The following KLHL7 variants were observed in gnomAD, a reference collection of about 807,000 sequenced individuals.
KLHL7 encodes kelch-like protein 7.
KLHL7 carries 44 observed loss-of-function variants against 67.4 expected under a neutral mutation model. That is an observed-to-expected ratio of 0.65 (90% CI 0.51 to 0.84). The LOEUF is 0.84. Ranked by LOEUF, KLHL7 falls within the 40% of genes least tolerant of loss-of-function variation. KLHL7 has a pLI of 0.00. For synonymous variants in KLHL7, 252 were observed against 243.3 expected (o/e 1.04, Z -0.33); for missense variants, 362 against 718.1 (o/e 0.50, Z 5.67).
At chr7:23,159,562 C>T (rs1443957330) in intron 7 of KLHL7, among the ~76,000 whole-genome samples, 1 of 152,024 alleles carries the variant, frequency 6.6e-6, no homozygotes, top group African/African-American at 2.4e-5. Flanking sequence ...AACAAGGTCT[C>T]ACTCTGTTGC....
intron 1 of KLHL7, among the ~76,000 whole-genome samples, chr7:23,109,587 C>A (rs1211543559): frequency 6.6e-6 from 1 of 152,226 alleles, no homozygotes; most frequent in Non-Finnish European, 1.5e-5. Flanking sequence ...GCTGATTTCA[C>A]AATTAGATAC....
chr7:23,141,058 C>A, intron 5 of KLHL7, 114 bp downstream of exon 5: 3 of 932,714 alleles, frequency 3.2e-6, no homozygotes, highest in South Asian at 2.7e-5. Context: ...AGAATATGTT[C>A]TTTACACTAA....
In KLHL7 at chr7:23,143,896, C is replaced by T. The variant is rs748221520; in HGVS notation, c.664C>T (p.Arg222Cys). 7.4e-6 allele frequency: 12 copies of T among 1,614,112 alleles called. No individual in the cohort carries two copies. The highest frequency in any genetic ancestry group is 1.1e-5 in the South Asian group (1 of 91,086). The change falls in exon 6 of 11, where the codon CGC becomes TGC. Residue 222 changes from arginine to cysteine, a missense_variant. Around this residue, in one of 5 missense-constraint regions of KLHL7, gnomAD observed 155 missense variants for 280.8 expected, o/e 0.55. Transcript: ENST00000339077. Reference protein sequence around the residue: ...VRWLKYDEPNRQPFMVDILAK... With the variant: ...VRWLKYDEPNCQPFMVDILAK... ...GTGGTTGAAATACGATGAACCTAAT[C>T]GCCAGCCATTTATGGTTGATATCCT...
At position 23,174,448 on chromosome 7, in the gene KLHL7, A is replaced by G; in HGVS notation, c.*150A>G. On this transcript the variant is annotated 3_prime_UTR_variant, in exon 11 of 11. Transcript: ENST00000339077. Reference sequence around the variant, plus strand: ...TTCCTATAAAATAGATGTTTCTTTTATATGGATTTCCTTAATTCAAAGATC... The same window carrying G: ...TTCCTATAAAATAGATGTTTCTTTTGTATGGATTTCCTTAATTCAAAGATC... 1 of 793,450 alleles carries G rather than the reference A, an allele frequency of 1.3e-6. No individual in the cohort carries two copies. The highest frequency in any genetic ancestry group is 2.1e-6 in the Non-Finnish European group (1 of 467,656). The allele number at this position is 793,450 out of a possible 1,614,324, so 49.2% of individuals were successfully genotyped here.
intron 7 of KLHL7, among the ~76,000 whole-genome samples, chr7:23,163,788 A>G (rs570091928): frequency 7.9e-5 from 12 of 152,168 alleles, no homozygotes; most frequent in Non-Finnish European, 1.6e-4. Flanking sequence ...CCTTCTACCC[A>G]TATCTTTTCC....
chr7:23,148,310 T>C (rs1339123222), intron 6 of KLHL7, among the ~76,000 whole-genome samples: 1 of 151,430 alleles, frequency 6.6e-6, no homozygotes, highest in Admixed American at 6.6e-5. Context: ...TTGAACCTAG[T>C]CGAGGTTGTC....
intron 1 of KLHL7, among the ~76,000 whole-genome samples, chr7:23,113,747 A>T (rs1434588301): frequency 1.3e-5 from 2 of 152,066 alleles, no homozygotes; most frequent in Non-Finnish European, 2.9e-5. Flanking sequence ...AATCGATTGA[A>T]CCCAGGAGGC....
chr7:23,153,730 A>G (rs1002461165), intron 7 of KLHL7, among the ~76,000 whole-genome samples: 16 of 152,252 alleles, frequency 1.1e-4, no homozygotes, highest in African/African-American at 3.6e-4. Context: ...CCCCAGGATC[A>G]CAGGCAGTTG....
intron 6 of KLHL7, among the ~76,000 whole-genome samples, chr7:23,149,250 AG>A (rs1784456477): frequency 2.0e-5 from 3 of 152,200 alleles, no homozygotes; most frequent in Admixed American, 2.0e-4. Context: ...AGCAACAATT[AG>A]CTCCTCAGAG....
At chr7:23,116,066 A>G (rs1162672268) in intron 1 of KLHL7, among the ~76,000 whole-genome samples, 1 of 152,192 alleles carries the variant, frequency 6.6e-6, no homozygotes, top group African/African-American at 2.4e-5. Flanking sequence ...GAGGAGAGTG[A>G]TTTACATTTG....
intron 1 of KLHL7, among the ~76,000 whole-genome samples, chr7:23,107,671 T>C (rs1349653983): frequency 6.6e-6 from 1 of 152,200 alleles, no homozygotes; most frequent in Non-Finnish European, 1.5e-5. Flanking sequence ...GAAGTACAAT[T>C]ACTGAAAAAT....
At chr7:23,145,583 C>T (rs1784330530) in intron 6 of KLHL7, among the ~76,000 whole-genome samples, 2 of 152,150 alleles carry the variant, frequency 1.3e-5, no homozygotes, top group Admixed American at 1.3e-4. Flanking sequence ...GTAGCATAAT[C>T]AGAGTAGCTG....
At chr7:23,118,440 C>T (rs760463042) in intron 1 of KLHL7, among the ~76,000 whole-genome samples, 1 of 152,208 alleles carries the variant, frequency 6.6e-6, no homozygotes, top group Non-Finnish European at 1.5e-5. Flanking sequence ...TGAGCAGGAA[C>T]AGTCCTCTCC....
intron 1 of KLHL7, among the ~76,000 whole-genome samples, chr7:23,123,224 A>C (rs1783421766): frequency 6.6e-6 from 1 of 152,224 alleles, no homozygotes; most frequent in African/African-American, 2.4e-5. Context: ...ATTTAATAAA[A>C]GATTGCTGAA....
chr7:23,105,848 G>T lies in KLHL7; in HGVS notation c.-179G>T, dbSNP rs573246609. 383 of 923,772 alleles carry T rather than the reference G, an allele frequency of 4.1e-4. 2 individuals are homozygous for T. In the African/African-American group the frequency reaches 5.6e-3, roughly 14 times the overall value. The allele number at this position is 923,772 out of a possible 1,614,324, so 57.2% of individuals were successfully genotyped here. On this transcript the variant is annotated 5_prime_UTR_variant, in exon 1 of 11. Transcript: ENST00000339077. ...CTCCCTGAGCGTTTCTAAGGGGGCC[G>T]CCCGGCCTTGTCTTTCGGCAGTGGC... is the stretch of plus-strand genomic sequence containing the variant.
intron 6 of KLHL7, among the ~76,000 whole-genome samples, chr7:23,144,932 T>TA (rs374387733): frequency 0.038 from 3,292 of 86,862 alleles, 150 homozygotes; most frequent in East Asian, 0.18. Flanking sequence ...ATTCCAACTC[T>TA]CCAAAAAAAA....
intron 6 of KLHL7, among the ~76,000 whole-genome samples, chr7:23,147,113 A>G (rs1242862704): frequency 2.4e-5 from 2 of 81,994 alleles, no homozygotes; most frequent in Non-Finnish European, 4.8e-5. Context: ...TTTTTTTTTT[A>G]GACAGTCTCG....
At chr7:23,162,508 G>T (rs1319826961) in intron 7 of KLHL7, among the ~76,000 whole-genome samples, 4 of 152,248 alleles carry the variant, frequency 2.6e-5, no homozygotes, top group Non-Finnish European at 4.4e-5. Context: ...TCATTTTGTT[G>T]TACAGATAAA....
chr7:23,155,572 G>A (rs1784677726), intron 7 of KLHL7, among the ~76,000 whole-genome samples: 1 of 151,808 alleles, frequency 6.6e-6, no homozygotes. Context: ...GCTGAGGCAG[G>A]ATAATCGCTT....
Sources: gnomAD v4.1 joint callset for allele counts (sites outside exome capture counted in the v4.1 genomes callset) on GRCh38, gnomAD v4.1.1 for gene constraint, gnomAD v4.1.1 regional missense constraint, MANE v1.5 for transcripts, NCBI Gene and HGNC (gene_info 2026-07-23, HGNC 2026-07-21) for gene names.